Variants in CDH22 observed in about 807,000 individuals in gnomAD.
CDH22 encodes cadherin 22, also known as cadherin-22.
A neutral mutation model predicts 58.4 loss-of-function variants in CDH22; 30 were observed. The observed-to-expected ratio is 0.51, with a 90% CI of 0.38 to 0.70. CDH22 has a LOEUF of 0.70. CDH22 is among the 30% of genes least tolerant of loss of function. The pLI is 0.00. For synonymous variants in CDH22, 513 were observed against 558.2 expected, an observed-to-expected ratio of 0.92 and a Z score of 1.14; for missense variants, 1,014 against 1,233.9, an observed-to-expected ratio of 0.82 and a Z score of 2.67.
intron 1 of CDH22, among the ~76,000 whole-genome samples, chr20:46,261,645 A>G (rs1271371735): frequency 6.6e-6 from 1 of 152,112 alleles, no homozygotes; most frequent in Non-Finnish European, 1.5e-5. Flanking sequence ...GGTGCCTGAC[A>G]GTCTGGCTCC....
intron 2 of CDH22, among the ~76,000 whole-genome samples, chr20:46,245,328 C>T (rs2086320337): frequency 6.6e-6 from 1 of 152,150 alleles, no homozygotes; most frequent in Admixed American, 6.5e-5. Context: ...GAAGAGACCT[C>T]ACCTGCTCCG....
At position 46,178,190 on chromosome 20, in the gene CDH22, G is replaced by T. The variant is rs562362688; in HGVS notation, c.1671C>A (p.Thr557=). 6.2e-7 allele frequency: 1 copy of T among 1,611,128 alleles called. No homozygotes were observed. The highest frequency in any genetic ancestry group is 1.3e-5 in the African/African-American group (1 of 74,860). The change falls in exon 11 of 12, where the codon ACC becomes ACA. Residue 557 remains threonine (T), a synonymous_variant. Transcript: ENST00000537909. ...CCACGTGCTGCGTGTGCACTGCAGC[G>T]GTGTTGTCTGTTCCGGAAGAAGGGG... The part of the protein sequence containing the change: ...HFSLLDIQDN[T]AAVHTQHVGF...
At chr20:46,292,006 A>G (rs896524932) in intron 1 of CDH22, among the ~76,000 whole-genome samples, 5 of 152,238 alleles carry the variant, frequency 3.3e-5, no homozygotes, top group Non-Finnish European at 7.3e-5. Context: ...GGAGGCCAAA[A>G]TCAACTGCTC....
chr20:46,176,368 A>C (rs1303052285), intron 11 of CDH22, among the ~76,000 whole-genome samples: 3 of 152,236 alleles, frequency 2.0e-5, no homozygotes, highest in African/African-American at 4.8e-5. Context: ...TTCAAAGGTG[A>C]AATACTAATC....
intron 1 of CDH22, among the ~76,000 whole-genome samples, chr20:46,263,761 G>T (rs2086445548): frequency 1.3e-5 from 2 of 152,122 alleles, no homozygotes; most frequent in Admixed American, 1.3e-4. Flanking sequence ...GCTGAGGACG[G>T]GCCTGGAGGA....
At chr20:46,305,389 C>T (rs1037929523) in intron 1 of CDH22, among the ~76,000 whole-genome samples, 3 of 152,226 alleles carry the variant, frequency 2.0e-5, no homozygotes, top group African/African-American at 4.8e-5. Context: ...TGTGCCCACT[C>T]TTGCGGGGGG....
intron 1 of CDH22, among the ~76,000 whole-genome samples, chr20:46,278,234 G>T (rs1263909279): frequency 2.6e-5 from 4 of 152,154 alleles, no homozygotes; most frequent in Non-Finnish European, 5.9e-5. Flanking sequence ...TTTGCTTCTC[G>T]TGCTGGCCAC....
At chr20:46,225,644 T>G (rs984512207) in intron 4 of CDH22, among the ~76,000 whole-genome samples, 2 of 152,128 alleles carry the variant, frequency 1.3e-5, no homozygotes, top group African/African-American at 4.8e-5. Flanking sequence ...TGTTTGGACT[T>G]TTTGAATTTT....
chr20:46,225,993 C>G (rs145033818), intron 4 of CDH22, among the ~76,000 whole-genome samples: 21 of 152,258 alleles, frequency 1.4e-4, no homozygotes, highest in African/African-American at 4.1e-4. Context: ...TCAACTCCCC[C>G]CAACCCCACT....
intron 1 of CDH22, among the ~76,000 whole-genome samples, chr20:46,265,106 G>A (rs1160083520): frequency 6.6e-6 from 1 of 152,104 alleles, no homozygotes; most frequent in African/African-American, 2.4e-5. Context: ...ATTACATCCC[G>A]AGCTGCTGTT....
In CDH22 at chr20:46,232,091, T is replaced by C. The variant is rs537686074; in HGVS notation, c.551-4464A>G. ...AGGGGGCTTGCCTACTCCTCATCTC[T>C]GTGTTGTTCTGACTTGGTTTGTTGT... On this transcript the variant is annotated intron_variant, in intron 3 of 11. Transcript: ENST00000537909. Among the ~76,000 whole-genome samples the C allele has an allele frequency of 2.6e-5, 4 of 152,308 alleles. No individual in the cohort carries two copies. The South Asian group carries it at 8.3e-4, about 32-fold the overall frequency.
chr20:46,201,157 C>A (rs1327267089), intron 7 of CDH22, among the ~76,000 whole-genome samples: 2 of 152,364 alleles, frequency 1.3e-5, no homozygotes, highest in African/African-American at 2.4e-5. Context: ...GGGGGCGCCG[C>A]GAGGCTGCGC....
chr20:46,297,333 A>G (rs2086633107), intron 1 of CDH22, among the ~76,000 whole-genome samples: 1 of 151,808 alleles, frequency 6.6e-6, no homozygotes, highest in Non-Finnish European at 1.5e-5. Context: ...GGGCTCTGGA[A>G]GGGGCAGGCA....
At chr20:46,176,498 G>A (rs927803619) in intron 11 of CDH22, among the ~76,000 whole-genome samples, 4 of 152,350 alleles carry the variant, frequency 2.6e-5, no homozygotes, top group Non-Finnish European at 4.4e-5. Flanking sequence ...TAGTACATGG[G>A]AGGAACTCAC....
At chr20:46,252,038 C>G (rs556312884) in intron 1 of CDH22, among the ~76,000 whole-genome samples, 3 of 152,070 alleles carry the variant, frequency 2.0e-5, no homozygotes, top group Admixed American at 2.0e-4. Flanking sequence ...GACAATCTCT[C>G]CAGCCCTGCC....
At chr20:46,223,649 C>CCT (rs1316222599) in intron 4 of CDH22, among the ~76,000 whole-genome samples, 44 of 148,490 alleles carry the variant, frequency 3.0e-4, no homozygotes, top group African/African-American at 1.1e-3. Context: ...TTCTTTCTTT[C>CCT]TCTTTCTTTT....
intron 1 of CDH22, among the ~76,000 whole-genome samples, chr20:46,254,250 T>C (rs1306528351): frequency 6.6e-6 from 1 of 152,080 alleles, no homozygotes; most frequent in East Asian, 1.9e-4. Flanking sequence ...ACTGGGGACA[T>C]AGCAATAAAA....
rs559203885 is a variant in CDH22, at chr20:46,241,752, G to T, written c.256-495C>A. 3.3e-5 allele frequency among the ~76,000 whole-genome samples: 5 copies of T among 152,304 alleles called. No individual in the cohort carries two copies. In the South Asian group the frequency reaches 6.2e-4, roughly 19 times the overall value. ...GATCCTCAGTCTCCCCCTGCCCCCA[G>T]GATCTCTCGGTACATCAAGCCATCA... On this transcript the variant is annotated intron_variant, in intron 2 of 11. Coordinates refer to ENST00000537909, the MANE Select transcript of CDH22 (RefSeq NM_021248.3). This position sits in a 1 kb window ranked among gnomAD's most constrained non-coding sequence, Gnocchi z 5.2.
intron 3 of CDH22, among the ~76,000 whole-genome samples, chr20:46,229,512 T>C (rs2086204115): frequency 6.6e-6 from 1 of 152,186 alleles, no homozygotes; most frequent in Non-Finnish European, 1.5e-5. Context: ...AAGTTTGACC[T>C]TGGATCTGTC....
Sources: allele counts gnomAD v4.1 joint callset (sites outside exome capture counted in the v4.1 genomes callset), GRCh38; gene constraint gnomAD v4.1.1; non-coding constraint Gnocchi (gnomAD v3.1); transcripts MANE v1.5; gene names NCBI Gene and HGNC (gene_info 2026-07-23, HGNC 2026-07-21).